The following RBM45 variants were observed in gnomAD, a reference collection of about 807,000 sequenced individuals.
The protein encoded by RBM45 is RNA-binding protein 45.
In RBM45, 39 loss-of-function variants were observed where a neutral mutation model predicts 58.5. That is an observed-to-expected ratio of 0.67 (90% CI 0.52 to 0.87). The LOEUF is 0.87. RBM45 is among the 40% of genes least tolerant of loss of function. The pLI is 0.00. For missense variants in RBM45, 481 were observed against 581.6 expected (o/e 0.83, Z 1.78); for synonymous variants, 193 against 203.0 (o/e 0.95, Z 0.42).
downstream of RBM45, among the ~76,000 whole-genome samples, chr2:178,131,444 T>G: frequency 6.6e-6 from 1 of 152,206 alleles, no homozygotes; most frequent in East Asian, 1.9e-4. Flanking sequence ...TTAGAGTATT[T>G]CACTGGGCTT....
downstream of RBM45, among the ~76,000 whole-genome samples, chr2:178,129,922 A>G (rs2087988539): frequency 6.6e-6 from 1 of 152,232 alleles, no homozygotes; most frequent in African/African-American, 2.4e-5. Context: ...CTCAATCTAT[A>G]TATGCAGCTT....
intron 3 of RBM45, among the ~76,000 whole-genome samples, chr2:178,135,512 C>G (rs1356294949): frequency 2.6e-5 from 4 of 152,194 alleles, no homozygotes; most frequent in Admixed American, 2.6e-4. Context: ...TCCCTACAGT[C>G]TTATTTTACT....
At chr2:178,120,172 T>C (rs1230807872) in intron 3 of RBM45, 115 bp from the exon 4 acceptor site, 7 of 1,351,010 alleles carry the variant, frequency 5.2e-6, no homozygotes, top group African/African-American at 1.5e-5. Context: ...GGCCATTGTA[T>C]AGATTTTGCT....
Position 178,126,095 on chromosome 2 carries a change from G to A in RBM45, c.1344G>A (p.Lys448=). The change falls in exon 9 of 10, where the codon AAG becomes AAA. Residue 448 remains lysine (K), a synonymous_variant. Transcript: ENST00000286070. Reference sequence around the variant, plus strand: ...ATGCCATTGCCACTCTACATGGAAAGATTCTGAATGGGGTGAGACTTAAAG... The same window carrying A: ...ATGCCATTGCCACTCTACATGGAAAAATTCTGAATGGGGTGAGACTTAAAG... The part of the protein sequence containing the change: ...ANDAIATLHG[K]ILNGVRLKVM... 1.9e-6 allele frequency: 3 copies of A among 1,614,046 alleles called. No individual in the cohort carries two copies. Among genetic ancestry groups the A allele is most frequent in the Non-Finnish European group, 2.5e-6 (3 of 1,179,918 alleles).
intron 3 of RBM45, among the ~76,000 whole-genome samples, chr2:178,119,336 G>A (rs1192935491): frequency 3.9e-5 from 6 of 152,184 alleles, no homozygotes; most frequent in Admixed American, 1.3e-4. Context: ...GTCTGGTGTC[G>A]AGGAGGCAGG....
chr2:178,112,879 G>C, intron 1 of RBM45, 33 bp downstream of exon 1: 1 of 1,590,456 alleles, frequency 6.3e-7, no homozygotes, highest in Non-Finnish European at 8.6e-7. Context: ...GCCCTCGGGG[G>C]AAGGAGTGGG....
At chr2:178,135,870 A>G (rs2088041069) in intron 3 of RBM45, among the ~76,000 whole-genome samples, 1 of 152,204 alleles carries the variant, frequency 6.6e-6, no homozygotes, top group Non-Finnish European at 1.5e-5. Flanking sequence ...GTAGGAAGAA[A>G]ATTTATATCA....
intron 8 of RBM45, chr2:178,125,735 G>T (rs1376147032): frequency 1.6e-6 from 1 of 638,570 alleles, no homozygotes; most frequent in African/African-American, 1.8e-5. Flanking sequence ...ATGGATTGAA[G>T]AGGGACAAGC....
chr2:178,122,190 A>G (rs1042566208), intron 5 of RBM45, among the ~76,000 whole-genome samples: 4 of 152,152 alleles, frequency 2.6e-5, no homozygotes, highest in Non-Finnish European at 5.9e-5. Context: ...AAAATAACTT[A>G]ATGCAAGTTC....
downstream of RBM45, among the ~76,000 whole-genome samples, chr2:178,133,354 A>C (rs1055115985): frequency 1.3e-5 from 2 of 152,222 alleles, no homozygotes; most frequent in Admixed American, 6.5e-5. Context: ...GAATTGTCTA[A>C]GTAAATTACC....
chr2:178,125,780 A>T (rs2087921048), intron 8 of RBM45: 2 of 701,040 alleles, frequency 2.9e-6, no homozygotes, highest in Admixed American at 2.0e-5. Flanking sequence ...AAGGAGTTAG[A>T]TTAAGGAAAA....
In RBM45 at chr2:178,123,926, A is replaced by G; in HGVS notation, c.1068+14A>G. The G allele has an allele frequency of 1.9e-6, 3 of 1,602,760 alleles. No individual in the cohort carries two copies. Among genetic ancestry groups the G allele is most frequent in the Non-Finnish European group, 1.7e-6 (2 of 1,170,128 alleles). ...CAACAATTTATGGTAAGTAGGTAAG[A>G]ATTTAACCTTTATAATATATCAATA... On this transcript the variant is annotated intron_variant, in intron 7 of 9. Coordinates refer to ENST00000286070, the MANE Select transcript of RBM45 (RefSeq NM_152945.4).
chr2:178,125,857 T>A, intron 8 of RBM45, 127 bp from the exon 9 acceptor site: 1 of 727,164 alleles, frequency 1.4e-6, no homozygotes, highest in South Asian at 1.5e-5. Context: ...ATGTTTAAGA[T>A]TGACATGAGT....
At chr2:178,135,563 C>A (rs1248016849) in intron 3 of RBM45, among the ~76,000 whole-genome samples, 9 of 152,156 alleles carry the variant, frequency 5.9e-5, no homozygotes, top group Non-Finnish European at 8.8e-5. Flanking sequence ...AAAAAGAAAT[C>A]AGAAGTAAAT....
At chr2:178,133,005 T>A (rs1313863572), downstream of RBM45, among the ~76,000 whole-genome samples, 1 of 152,196 alleles carries the variant, frequency 6.6e-6, no homozygotes, top group Non-Finnish European at 1.5e-5. Flanking sequence ...GTGGTTATGA[T>A]GGGGTGGTCA....
At chr2:178,115,071 T>A (rs1284083339) in intron 1 of RBM45, among the ~76,000 whole-genome samples, 1 of 152,176 alleles carries the variant, frequency 6.6e-6, no homozygotes, top group African/African-American at 2.4e-5. Context: ...GAAAAGATTG[T>A]CCAAGTAAAA....
In RBM45 at chr2:178,117,064, A is replaced by T. The variant is rs2087786307; in HGVS notation, c.423+680A>T. On this transcript the variant is annotated intron_variant, in intron 2 of 9. Transcript: ENST00000286070. ...GATGAGCTTTCACACAAATTATTAA[A>T]AAGCAATTTTTTAATTGTTTTGAAT... Among the ~76,000 whole-genome samples the T allele has an allele frequency of 2.6e-5, 4 of 152,156 alleles. No individual in the cohort carries two copies. In the South Asian group the frequency reaches 8.3e-4, roughly 32 times the overall value.
rs564767041 is a variant in RBM45, at chr2:178,123,945, A to C, written c.1068+33A>C. The C allele has an allele frequency of 1.9e-6, 3 of 1,552,396 alleles. No individual in the cohort carries two copies. In the African/African-American group the frequency reaches 4.1e-5, roughly 21 times the overall value. On this transcript the variant is annotated intron_variant, in intron 7 of 9. Transcript: ENST00000286070. ...GGTAAGAATTTAACCTTTATAATAT[A>C]TCAATAGCATATAAAATAAATGTGA...
chr2:178,112,439 C>T lies in RBM45; in HGVS notation c.-108C>T. ...CGCCTGGCGCCGGACTCCTCTTTCT[C>T]CCGGAAGCGGAGCACCGAGCCGGCA... On this transcript the variant is annotated 5_prime_UTR_variant, in exon 1 of 10. Coordinates refer to ENST00000286070, the MANE Select transcript of RBM45 (RefSeq NM_152945.4). The T allele has an allele frequency of 8.9e-7, 1 of 1,123,900 alleles. No individual in the cohort carries two copies. Among genetic ancestry groups the T allele is most frequent in the African/African-American group, 1.6e-5 (1 of 64,290 alleles). 69.6% of individuals were successfully genotyped at this position (1,123,900 alleles called of 1,614,324 possible).
Sources: allele counts gnomAD v4.1 joint callset (sites outside exome capture counted in the v4.1 genomes callset), GRCh38; gene constraint gnomAD v4.1.1; transcripts MANE v1.5; gene names NCBI Gene and HGNC (gene_info 2026-07-23, HGNC 2026-07-21).